Variants in TAB2 observed in about 807,000 individuals in gnomAD.
TAB2 encodes the protein TGF-beta activated kinase 1 (MAP3K7) binding protein 2, also known as TGF-beta-activated kinase 1 and MAP3K7-binding protein 2.
Under a neutral mutation model 65.0 loss-of-function variants are expected in TAB2, and 3 were observed. The ratio of observed to expected loss-of-function variants is 0.05; its 90% CI spans 0.02 to 0.12. The LOEUF (loss-of-function observed/expected upper bound fraction) is 0.12. TAB2 is among the 10% of genes least tolerant of loss of function. TAB2 has a pLI of 1.00. For missense variants in TAB2, 623 were observed against 840.3 expected (o/e 0.74, Z 3.20); for synonymous variants, 298 against 285.1 (o/e 1.05, Z -0.46).
chr6:149,263,458 G>A (rs1778194098), intron 1 of TAB2, among the ~76,000 whole-genome samples: 2 of 152,150 alleles, frequency 1.3e-5, no homozygotes, highest in African/African-American at 2.4e-5. Context: ...GATGCTGTTT[G>A]AAAGCCAAGA....
At chr6:149,235,699 A>G (rs1051465469) in intron 1 of TAB2, among the ~76,000 whole-genome samples, 1 of 152,218 alleles carries the variant, frequency 6.6e-6, no homozygotes, top group Non-Finnish European at 1.5e-5. Context: ...TGCCTCTACA[A>G]TTAAAAGAAT....
intron 2 of TAB2, among the ~76,000 whole-genome samples, 155 bp downstream of exon 2, chr6:149,370,254 C>T (rs548341903): frequency 4.8e-4 from 73 of 152,250 alleles, no homozygotes; most frequent in African/African-American, 1.7e-3. Context: ...TGGCCTTTGG[C>T]AAGATGGAGC....
chr6:149,325,288 T>C (rs1192529433), intron 1 of TAB2, among the ~76,000 whole-genome samples: 1 of 152,198 alleles, frequency 6.6e-6, no homozygotes, highest in African/African-American at 2.4e-5. Flanking sequence ...ATAGAACAGG[T>C]GAATTCTTGT....
At chr6:149,382,116 C>T (rs1294948510) in intron 3 of TAB2, among the ~76,000 whole-genome samples, 1 of 152,204 alleles carries the variant, frequency 6.6e-6, no homozygotes, top group East Asian at 1.9e-4. Flanking sequence ...CTTCTCCCCC[C>T]AGCTCTTTTC....
chr6:149,302,921 A>G (rs1216531039), intron 1 of TAB2, among the ~76,000 whole-genome samples: 1 of 152,210 alleles, frequency 6.6e-6, no homozygotes. Flanking sequence ...ATTTACAGCC[A>G]TTCTCCATTG....
intron 1 of TAB2, among the ~76,000 whole-genome samples, chr6:149,306,368 G>A (rs992923474): frequency 2.0e-5 from 3 of 151,580 alleles, no homozygotes; most frequent in East Asian, 1.9e-4. Context: ...GTGAAACCCC[G>A]TCTCCACTAA....
intron 1 of TAB2, among the ~76,000 whole-genome samples, chr6:149,254,861 G>A (rs1426747959): frequency 6.6e-6 from 1 of 152,198 alleles, no homozygotes; most frequent in East Asian, 1.9e-4. Flanking sequence ...TATGGAAAAT[G>A]TTAAATGTAG....
At chr6:149,352,920 G>A (rs137891378) in intron 1 of TAB2, among the ~76,000 whole-genome samples, 18 of 152,132 alleles carry the variant, frequency 1.2e-4, no homozygotes, top group Non-Finnish European at 2.1e-4. Context: ...GGAAAGTTGC[G>A]TTTTTGTCCA....
intron 1 of TAB2, among the ~76,000 whole-genome samples, chr6:149,288,756 A>C (rs1421100773): frequency 6.6e-6 from 1 of 152,126 alleles, no homozygotes; most frequent in South Asian, 2.1e-4. Context: ...AGTTCTTTGT[A>C]AGACTGCACA....
At position 149,393,426 on chromosome 6, in the gene TAB2, C is replaced by G. The variant is rs192672739; in HGVS notation, c.1604-4178C>G. On this transcript the variant is annotated intron_variant, in intron 3 of 6. Coordinates refer to ENST00000637181, the MANE Select transcript of TAB2 (RefSeq NM_001292034.3). ...ACCCCTTTGTGAATTTCTAAGGATG[C>G]AATACTTATTCAGAAATATTCTGAA... Among the ~76,000 whole-genome samples, 33 of 152,278 alleles carry G rather than the reference C, an allele frequency of 2.2e-4. No homozygotes were observed. The East Asian group carries it at 5.0e-3, about 23-fold the overall frequency.
intron 3 of TAB2, among the ~76,000 whole-genome samples, chr6:149,393,884 C>G (rs906132219): frequency 2.0e-5 from 3 of 151,980 alleles, no homozygotes; most frequent in Non-Finnish European, 4.4e-5. Context: ...TCTAGCTGCC[C>G]TCAAGATTTT....
At chr6:149,373,819 AACC>A (rs902875185) in intron 2 of TAB2, among the ~76,000 whole-genome samples, 9 of 152,190 alleles carry the variant, frequency 5.9e-5, no homozygotes, top group African/African-American at 2.2e-4. Flanking sequence ...CACTAAAAGT[AACC>A]AGGGCTGCTT....
intron 1 of TAB2, among the ~76,000 whole-genome samples, chr6:149,298,300 A>G (rs1778913608): frequency 6.6e-6 from 1 of 150,934 alleles, no homozygotes; most frequent in African/African-American, 2.5e-5. Flanking sequence ...AAGAAAAAAT[A>G]AAAATAAAAT....
chr6:149,355,524 G>A (rs749496776), intron 1 of TAB2, among the ~76,000 whole-genome samples: 8 of 151,872 alleles, frequency 5.3e-5, no homozygotes, highest in South Asian at 2.1e-4. Flanking sequence ...AAAATTAGCC[G>A]GGCGTGGTGG....
Position 149,317,767 on chromosome 6 carries a change from CT to C in TAB2, c.-337del. 1.2e-5 allele frequency: 2 copies of C among 163,436 alleles called. No homozygotes were observed. Among genetic ancestry groups the C allele is most frequent in the African/African-American group, 2.4e-5 (1 of 41,472 alleles). 10.1% of individuals were successfully genotyped at this position (163,436 alleles called of 1,614,324 possible). A position where few individuals can be genotyped will look rare whatever the true frequency, so the allele number is the denominator to read the frequency against. The stretch of plus-strand genomic sequence containing the variant: ...GGGCGACCCAGCCCGACCCCCTCCC[CT>C]CCCCCTCAGCCAGGAGCGGTGGCGG... On this transcript the variant is annotated 5_prime_UTR_variant, in exon 1 of 7. Coordinates refer to ENST00000637181, the MANE Select transcript of TAB2 (RefSeq NM_001292034.3). This position sits in a 1 kb window ranked among gnomAD's most constrained non-coding sequence, Gnocchi z 4.7.
intron 5 of TAB2, among the ~76,000 whole-genome samples, chr6:149,398,552 AT>A (rs1782254177): frequency 6.6e-6 from 1 of 152,138 alleles, no homozygotes; most frequent in Non-Finnish European, 1.5e-5. Context: ...GATTATTTTT[AT>A]TTTTATTCTT....
intron 1 of TAB2, among the ~76,000 whole-genome samples, chr6:149,269,846 G>T (rs1778327319): frequency 6.6e-6 from 1 of 152,188 alleles, no homozygotes; most frequent in Non-Finnish European, 1.5e-5. Context: ...TTGCCCAACT[G>T]AGTGACATTT....
At chr6:149,315,941 T>A (rs115077996), upstream of TAB2, among the ~76,000 whole-genome samples, 4,652 of 152,334 alleles carry the variant, frequency 0.031, 238 homozygotes, top group African/African-American at 0.1. Flanking sequence ...TAAATTTTTT[T>A]AAAAATTTGC....
intron 1 of TAB2, among the ~76,000 whole-genome samples, chr6:149,351,423 C>T (rs547443452): frequency 1.2e-4 from 18 of 152,276 alleles, no homozygotes; most frequent in African/African-American, 4.1e-4. Context: ...GTACTTTTTG[C>T]TGTAGGCAGG....
Sources: gnomAD v4.1 joint callset for allele counts (sites outside exome capture counted in the v4.1 genomes callset) on GRCh38, gnomAD v4.1.1 for gene constraint, Gnocchi (gnomAD v3.1) non-coding constraint, MANE v1.5 for transcripts, NCBI Gene and HGNC (gene_info 2026-07-23, HGNC 2026-07-21) for gene names.